Variants in RFX7 observed in about 807,000 individuals in gnomAD.
RFX7 encodes DNA-binding protein RFX7.
RFX7 carries 26 observed loss-of-function variants against 111.8 expected under a neutral mutation model. That is an observed-to-expected ratio of 0.23 (90% CI 0.17 to 0.32). The LOEUF is 0.32. Among genes scored for constraint, RFX7 ranks in the 10% least tolerant of loss-of-function variants. RFX7 has a pLI of 1.00. For synonymous variants in RFX7, 624 were observed against 624.4 expected (o/e 1.00, Z 0.01); for missense variants, 1,573 against 1,772.9 (o/e 0.89, Z 2.02).
At chr15:56,123,294 G>A (rs2042101193) in intron 5 of RFX7, among the ~76,000 whole-genome samples, 1 of 152,134 alleles carries the variant, frequency 6.6e-6, no homozygotes, top group African/African-American at 2.4e-5. Context: ...AATCCTGCCA[G>A]GACTGGGTCC....
At chr15:56,134,600 T>C (rs1164881178) in intron 5 of RFX7, among the ~76,000 whole-genome samples, 36 of 100,026 alleles carry the variant, frequency 3.6e-4, no homozygotes, top group African/African-American at 1.2e-3. Flanking sequence ...CACTTTCTTT[T>C]TTTTTTTTTT....
chr15:56,137,734 A>T (rs201519136), intron 5 of RFX7, among the ~76,000 whole-genome samples: 30,143 of 151,538 alleles, frequency 0.2, 3,359 homozygotes, highest in East Asian at 0.43. Context: ...TCTTTCCTGC[A>T]TTCTCTTGTG....
intron 2 of RFX7, among the ~76,000 whole-genome samples, chr15:56,226,554 A>G (rs1043266506): frequency 1.3e-5 from 2 of 152,186 alleles, no homozygotes; most frequent in African/African-American, 2.4e-5. Context: ...AAGACTGGGC[A>G]CTTAATTTCA....
chr15:56,171,041 C>T (rs1021497522), intron 3 of RFX7, among the ~76,000 whole-genome samples: 1 of 152,020 alleles, frequency 6.6e-6, no homozygotes, highest in Non-Finnish European at 1.5e-5. Context: ...GTGTGGAGAA[C>T]GAATGTGGAA....
At chr15:56,220,534 TG>T (rs2043415699) in intron 2 of RFX7, among the ~76,000 whole-genome samples, 1 of 147,268 alleles carries the variant, frequency 6.8e-6, no homozygotes, top group Non-Finnish European at 1.5e-5. Context: ...CCTAGCCAAA[TG>T]TTTTTTTTTT....
chr15:56,201,330 C>T (rs769984827), intron 2 of RFX7, among the ~76,000 whole-genome samples: 2 of 152,108 alleles, frequency 1.3e-5, no homozygotes, highest in African/African-American at 2.4e-5. Context: ...TTTCTTATCA[C>T]AAAAGGCAAA....
intron 3 of RFX7, among the ~76,000 whole-genome samples, chr15:56,148,896 A>G (rs2042524045): frequency 6.6e-6 from 1 of 152,070 alleles, no homozygotes; most frequent in African/African-American, 2.4e-5. Flanking sequence ...CCTGGCTAAC[A>G]CGGTGAAACC....
intron 5 of RFX7, among the ~76,000 whole-genome samples, chr15:56,108,808 A>T (rs1193277967): frequency 6.6e-6 from 1 of 152,216 alleles, no homozygotes; most frequent in African/African-American, 2.4e-5. Context: ...CTATTGTCTC[A>T]GCCCAAAAAC....
intron 5 of RFX7, among the ~76,000 whole-genome samples, chr15:56,110,376 G>T (rs1273341728): frequency 8.6e-6 from 1 of 116,066 alleles, no homozygotes; most frequent in Non-Finnish European, 1.9e-5. Flanking sequence ...AGGTGGGGGG[G>T]GTCAGCCCCC....
rs536026351 is a variant in RFX7, at chr15:56,142,892, T to G, written c.287A>C (p.Asn96Thr). Residue 96 changes from asparagine to threonine, a missense_variant, in exon 5 of 10, where the codon AAT becomes ACT. By Grantham distance (65) the Asn-to-Thr change is moderately conservative. Transcript: ENST00000559447. Reference sequence around the variant, plus strand: ...TTGTGCCCGACTAGATGACATGGCATTCTGATCACTAATAGAATGAAAACA... The same window carrying G: ...TTGTGCCCGACTAGATGACATGGCAGTCTGATCACTAATAGAATGAAAACA... ...GLSNGEKSDQ[N>T]AMSSSRAQQM... 19 of 1,613,448 alleles carry G rather than the reference T, an allele frequency of 1.2e-5. No individual in the cohort carries two copies. The highest frequency in any genetic ancestry group is 1.7e-5 in the Admixed American group (1 of 59,910).
At chr15:56,216,589 C>G (rs1367950723) in intron 2 of RFX7, among the ~76,000 whole-genome samples, 5 of 152,140 alleles carry the variant, frequency 3.3e-5, no homozygotes, top group African/African-American at 1.2e-4. Context: ...CCCTATCATA[C>G]TTTAATTTTC....
intron 5 of RFX7, among the ~76,000 whole-genome samples, chr15:56,138,509 C>G (rs1249942326): frequency 2.0e-5 from 3 of 148,818 alleles, no homozygotes; most frequent in African/African-American, 7.4e-5. Flanking sequence ...CTATGTGTGT[C>G]TCTGCACGTG....
intron 2 of RFX7, among the ~76,000 whole-genome samples, chr15:56,194,418 A>T (rs959162955): frequency 3.9e-5 from 6 of 152,136 alleles, no homozygotes; most frequent in African/African-American, 1.4e-4. Context: ...TTCTATCCTT[A>T]CCAGGACAAA....
intron 5 of RFX7, among the ~76,000 whole-genome samples, chr15:56,108,872 C>A (rs1595929687): frequency 6.6e-6 from 1 of 152,134 alleles, no homozygotes; most frequent in Non-Finnish European, 1.5e-5. Flanking sequence ...AATCTATATG[C>A]AAAAATCACA....
At chr15:56,186,153 A>C (rs1173007764) in intron 2 of RFX7, among the ~76,000 whole-genome samples, 1 of 152,210 alleles carries the variant, frequency 6.6e-6, no homozygotes, top group Non-Finnish European at 1.5e-5. Context: ...CTGAGCAAAC[A>C]GCAAGCTTAC....
intron 2 of RFX7, among the ~76,000 whole-genome samples, chr15:56,242,784 C>T (rs147141408): frequency 3.3e-4 from 50 of 152,300 alleles, no homozygotes; most frequent in African/African-American, 9.4e-4. Flanking sequence ...ACACATTTCA[C>T]ATTCTCCAGT....
Position 56,109,509 on chromosome 15 carries a change from C to T in RFX7, c.402-5839G>A, listed in dbSNP as rs1337361573. 4.6e-5 allele frequency among the ~76,000 whole-genome samples: 7 copies of T among 151,090 alleles called. No individual in the cohort carries two copies. In the South Asian group the frequency reaches 1.5e-3, roughly 32 times the overall value. ...GGAGCGTCTCTGCCTGGCCGCCCAT[C>T]GTCTGGGATGTGAGGAGCCCCTCTG... On this transcript the variant is annotated intron_variant, in intron 5 of 9. Coordinates refer to ENST00000559447, the MANE Select transcript of RFX7 (RefSeq NM_022841.7).
At chr15:56,185,221 G>A (rs1595994475) in intron 2 of RFX7, among the ~76,000 whole-genome samples, 1 of 152,116 alleles carries the variant, frequency 6.6e-6, no homozygotes, top group Middle Eastern at 3.4e-3. Context: ...CCATGTATAT[G>A]TATGTATTTT....
chr15:56,119,567 AG>A (rs2042048922), intron 5 of RFX7, among the ~76,000 whole-genome samples: 3 of 152,056 alleles, frequency 2.0e-5, no homozygotes, highest in African/African-American at 7.2e-5. Flanking sequence ...AAATGGGGTC[AG>A]GAGTTCAAGA....
Sources: gnomAD v4.1 joint callset for allele counts (sites outside exome capture counted in the v4.1 genomes callset) on GRCh38, gnomAD v4.1.1 for gene constraint, MANE v1.5 for transcripts, NCBI Gene and HGNC (gene_info 2026-07-23, HGNC 2026-07-21) for gene names.